Variants in TSNARE1 observed in about 807,000 individuals in gnomAD.
TSNARE1 encodes the protein t-SNARE domain containing 1, also known as t-SNARE domain-containing protein 1.
Under a neutral mutation model 62.0 loss-of-function variants are expected in TSNARE1, and 49 were observed. The observed-to-expected ratio is 0.79, with a 90% CI of 0.63 to 1.00. The LOEUF (loss-of-function observed/expected upper bound fraction) is 1.00, where lower values mean the gene tolerates loss of function less well. Ranked by LOEUF, TSNARE1 falls within the 50% of genes least tolerant of loss-of-function variation. TSNARE1 has a pLI of 0.00. For synonymous variants in TSNARE1, 328 were observed against 294.4 expected (o/e 1.11, Z -1.17); for missense variants, 755 against 700.1 (o/e 1.08, Z -0.88).
At chr8:142,333,931 G>T (rs1006276387) in intron 4 of TSNARE1, among the ~76,000 whole-genome samples, 1 of 151,972 alleles carries the variant, frequency 6.6e-6, no homozygotes, top group Non-Finnish European at 1.5e-5. Context: ...GCCTAGCAAG[G>T]TCAAGCCAGG....
chr8:142,404,548 C>T (rs903851014), upstream of TSNARE1: 1 of 152,348 alleles, frequency 6.6e-6, no homozygotes, highest in African/African-American at 2.4e-5. Context: ...ACCCACGCTC[C>T]TTGCCTTGGT....
chr8:142,356,164 C>T (rs1586995157), intron 1 of TSNARE1, among the ~76,000 whole-genome samples: 4 of 152,342 alleles, frequency 2.6e-5, no homozygotes, highest in African/African-American at 4.8e-5. Flanking sequence ...TGGCACCCTC[C>T]GGGCAGGCCC....
intron 12 of TSNARE1, chr8:142,270,520 G>A: frequency 4.4e-6 from 4 of 918,772 alleles, no homozygotes; most frequent in Non-Finnish European, 5.1e-6. Context: ...ATTTATAACA[G>A]AAAATTGGAT....
rs568295280 is a variant in TSNARE1 at position 142,305,223 on chromosome 8, CCCAGGAGCTG to C, written c.1132-4589_1132-4580del. On this transcript the variant is annotated intron_variant, in intron 9 of 13. Coordinates refer to ENST00000524325, the MANE Select transcript of TSNARE1 (RefSeq NM_145003.5). ...GACTTGGGGGTTTCAGTGACAGCTC[CCCAGGAGCTG>C]TGGGCAGAGGGTGCCAGGCACCCAT... is the stretch of plus-strand genomic sequence containing the variant. Among the ~76,000 whole-genome samples, 10 of 152,242 alleles carry C rather than the reference CCCAGGAGCTG, an allele frequency of 6.6e-5. No homozygotes were observed. The South Asian group carries it at 2.1e-3, about 32-fold the overall frequency.
chr8:142,294,203 G>C (rs1299158416), intron 10 of TSNARE1, among the ~76,000 whole-genome samples: 1 of 152,100 alleles, frequency 6.6e-6, no homozygotes, highest in Non-Finnish European at 1.5e-5. Context: ...CCAGAGGTGA[G>C]ACGCAGCAAA....
chr8:142,289,498 C>T (rs560678041), intron 10 of TSNARE1, among the ~76,000 whole-genome samples: 249 of 152,294 alleles, frequency 1.6e-3, no homozygotes, highest in African/African-American at 5.8e-3. Context: ...GAGGGCTGCT[C>T]AGGGCACAGG....
intron 9 of TSNARE1, among the ~76,000 whole-genome samples, chr8:142,302,780 A>G (rs1825993382): frequency 6.6e-6 from 1 of 152,008 alleles, no homozygotes; most frequent in African/African-American, 2.4e-5. Flanking sequence ...TGTGGAACTG[A>G]CTGGGAATGG....
At chr8:142,229,074 GTGGA>G (rs1007414753) in intron 13 of TSNARE1, among the ~76,000 whole-genome samples, 1 of 151,236 alleles carries the variant, frequency 6.6e-6, no homozygotes, top group Non-Finnish European at 1.5e-5. Flanking sequence ...TGGTGGGTGG[GTGGA>G]TGGATGGATG....
At chr8:142,274,362 C>T in intron 12 of TSNARE1, 1 of 985,442 alleles carries the variant, frequency 1.0e-6, no homozygotes, top group Non-Finnish European at 1.2e-6. Context: ...AAGGCCTGAG[C>T]TTTCTTGTTC....
chr8:142,237,818 T>G (rs1175303719), intron 12 of TSNARE1, among the ~76,000 whole-genome samples: 1 of 152,180 alleles, frequency 6.6e-6, no homozygotes, highest in Non-Finnish European at 1.5e-5. Context: ...CGAACCATGC[T>G]TGCAGTGGCT....
In TSNARE1 at chr8:142,275,658, G is replaced by A. The variant is rs538352898; in HGVS notation, c.1364-795C>T. 73 of 985,444 alleles carry A rather than the reference G, an allele frequency of 7.4e-5. No individual in the cohort carries two copies. The East Asian group carries it at 2.4e-3, about 32-fold the overall frequency. The allele number at this position is 985,444 out of a possible 1,614,324, so 61.0% of individuals were successfully genotyped here. On this transcript the variant is annotated intron_variant, in intron 11 of 13. Coordinates refer to ENST00000524325, the MANE Select transcript of TSNARE1 (RefSeq NM_145003.5). The stretch of plus-strand genomic sequence containing the variant: ...ACGAGCACGGGCAAGCCTTCTTCCC[G>A]GAGGGAGGTTCCTTGCAAGGCCTGC...
rs530977314 is a variant in TSNARE1 at position 142,238,004 on chromosome 8, C to A, written c.1447-8425G>T. On this transcript the variant is annotated intron_variant, in intron 12 of 13. Transcript: ENST00000524325. ...CTGCCCACGCCACCCGCCCAGGTCT[C>A]CATGCATCTGACTTAGGGAGGCAGC... is the stretch of plus-strand genomic sequence containing the variant. Among the ~76,000 whole-genome samples the A allele has an allele frequency of 2.0e-5, 3 of 152,212 alleles. No individual in the cohort carries two copies. In the South Asian group the frequency reaches 6.2e-4, roughly 32 times the overall value.
intron 13 of TSNARE1, among the ~76,000 whole-genome samples, chr8:142,228,519 C>T (rs909676247): frequency 1.6e-4 from 24 of 152,210 alleles, no homozygotes; most frequent in African/African-American, 5.5e-4. Context: ...CTCTCCGGTC[C>T]GAATGCACAC....
At chr8:142,359,656 G>A (rs1835011945) in intron 1 of TSNARE1, among the ~76,000 whole-genome samples, 2 of 152,202 alleles carry the variant, frequency 1.3e-5, no homozygotes. Flanking sequence ...GCCACCCAGA[G>A]CCCGCCTGCC....
chr8:142,341,680 G>A (rs991568467), intron 4 of TSNARE1, among the ~76,000 whole-genome samples: 22 of 152,272 alleles, frequency 1.4e-4, no homozygotes, highest in African/African-American at 4.3e-4. Flanking sequence ...GGTCACCCCC[G>A]TCAGTGTCAC....
intron 13 of TSNARE1, among the ~76,000 whole-genome samples, chr8:142,228,437 C>A (rs1816940206): frequency 6.6e-6 from 1 of 152,222 alleles, no homozygotes; most frequent in Non-Finnish European, 1.5e-5. Context: ...GTCTCAGTAC[C>A]CATTCCTCCC....
chr8:142,292,323 G>C (rs890450088), intron 10 of TSNARE1, among the ~76,000 whole-genome samples: 5 of 152,234 alleles, frequency 3.3e-5, no homozygotes, highest in Non-Finnish European at 7.3e-5. Flanking sequence ...GCGAGGCGAG[G>C]GCCGGAGAGG....
intron 4 of TSNARE1, among the ~76,000 whole-genome samples, chr8:142,336,692 C>T (rs181991018): frequency 3.9e-4 from 60 of 152,340 alleles, no homozygotes; most frequent in African/African-American, 1.4e-3. Flanking sequence ...ATCAACCAGC[C>T]TAACCCACGC....
chr8:142,340,554 T>C (rs913768350), intron 4 of TSNARE1, among the ~76,000 whole-genome samples: 7 of 152,224 alleles, frequency 4.6e-5, no homozygotes, highest in African/African-American at 1.7e-4. Context: ...CATCACCAGG[T>C]TGAAGACTTT....
Sources: allele counts gnomAD v4.1 joint callset (sites outside exome capture counted in the v4.1 genomes callset), GRCh38; gene constraint gnomAD v4.1.1; transcripts MANE v1.5; gene names NCBI Gene and HGNC (gene_info 2026-07-23, HGNC 2026-07-21).